COL17A1: variants seen among roughly 807,000 people sequenced by gnomAD.
COL17A1 encodes the protein collagen type XVII alpha 1 chain.
A neutral mutation model predicts 218.4 loss-of-function variants in COL17A1; 181 were observed. The ratio of observed to expected loss-of-function variants is 0.83; its 90% CI spans 0.73 to 0.94. COL17A1 has a LOEUF of 0.94. Ranked by LOEUF, COL17A1 falls within the 40% of genes least tolerant of loss-of-function variation. The pLI is 0.00. For missense variants in COL17A1, 1,924 were observed against 1,945.9 expected (o/e 0.99, Z 0.21); for synonymous variants, 721 against 731.0 (o/e 0.99, Z 0.22).
In COL17A1 at chr10:104,076,418, G is replaced by C. The variant is rs760094345; in HGVS notation, c.214C>G (p.Arg72Gly). The change falls in exon 5 of 56, where the codon CGA becomes GGA. Residue 72 changes from arginine (R) to glycine (G), a missense_variant. Arg to Gly is a moderately radical substitution (Grantham distance 125). Coordinates refer to ENST00000648076, the MANE Select transcript of COL17A1 (RefSeq NM_000494.4). ...SGYINSTGST[R>G]GHASTSSYRR... ...TAACTAGAGGTGGAGGCATGGCCTCGTGTGCTTCCAGCTGCAAGAGGGAAA... is the reference window on the plus strand; with the variant it reads ...TAACTAGAGGTGGAGGCATGGCCTCCTGTGCTTCCAGCTGCAAGAGGGAAA... The C allele has an allele frequency of 6.2e-7, 1 of 1,613,984 alleles. No homozygotes were observed. The highest frequency in any genetic ancestry group is 1.3e-5 in the African/African-American group (1 of 74,928).
chr10:104,049,372 G>T, intron 29 of COL17A1, 37 bp downstream of exon 29: 1 of 1,603,076 alleles, frequency 6.2e-7, no homozygotes, highest in South Asian at 1.1e-5. Context: ...CCCCTCAGAT[G>T]GGGAACTCAC....
At chr10:104,084,394 C>T (rs1294792997) in intron 1 of COL17A1, among the ~76,000 whole-genome samples, 1 of 151,684 alleles carries the variant, frequency 6.6e-6, no homozygotes, top group African/African-American at 2.4e-5. Flanking sequence ...ACTGCAACCT[C>T]TGCCTCCTGG....
At position 104,050,883 on chromosome 10, in the gene COL17A1, C is replaced by G; in HGVS notation, c.2057G>C (p.Gly686Ala). ...QGPPGPVGLQGLRGEVGLPGV... is the reference protein window; with the variant it reads ...QGPPGPVGLQALRGEVGLPGV... Reference sequence around the variant, plus strand: ...AGGAAGTCCTACTTCACCTCGGAGCCCTTGGAGACCTACAGGACCTGCCCG... The same window carrying G: ...AGGAAGTCCTACTTCACCTCGGAGCGCTTGGAGACCTACAGGACCTGCCCG... Residue 686 changes from glycine (G) to alanine (A), a missense_variant, in exon 26 of 56, where the codon GGG becomes GCG. Coordinates refer to ENST00000648076, the MANE Select transcript of COL17A1 (RefSeq NM_000494.4). 1 of 1,614,144 alleles carries G rather than the reference C, an allele frequency of 6.2e-7. No homozygotes were observed. Among genetic ancestry groups the G allele is most frequent in the African/African-American group, 1.3e-5 (1 of 75,028 alleles).
At chr10:104,043,909 G>C in intron 33 of COL17A1, 49 bp from the exon 34 acceptor site, 2 of 1,605,920 alleles carry the variant, frequency 1.2e-6, no homozygotes, top group Non-Finnish European at 1.7e-6. Context: ...GGATCAATTA[G>C]TGGCTCAATA....
chr10:104,081,666 T>C (rs907832303), intron 1 of COL17A1, among the ~76,000 whole-genome samples: 1 of 152,168 alleles, frequency 6.6e-6, no homozygotes, highest in Admixed American at 6.5e-5. Context: ...TTGGTTGTAG[T>C]TGGAACTGGG....
intron 46 of COL17A1, 22 bp downstream of exon 46, chr10:104,037,614 C>T: frequency 6.2e-7 from 1 of 1,613,906 alleles, no homozygotes; most frequent in Non-Finnish European, 8.5e-7. Context: ...GTGCCAGGTG[C>T]AGGGCGTGGG....
chr10:104,062,655 G>A (rs1227451315), intron 11 of COL17A1, among the ~76,000 whole-genome samples: 1 of 152,188 alleles, frequency 6.6e-6, no homozygotes, highest in African/African-American at 2.4e-5. Context: ...CCTGTTTCCT[G>A]TGACACCCTG....
At chr10:104,073,631 T>A (rs1364424352) in intron 6 of COL17A1, among the ~76,000 whole-genome samples, 5 of 152,308 alleles carry the variant, frequency 3.3e-5, no homozygotes, top group African/African-American at 1.2e-4. Context: ...GTTTCCCCAC[T>A]GTAAGCAAAT....
At chr10:104,039,769 C>T (rs2086339348) in intron 41 of COL17A1, 129 bp from the exon 42 acceptor site, 1 of 760,280 alleles carries the variant, frequency 1.3e-6, no homozygotes, top group Non-Finnish European at 1.9e-6. Context: ...AGAGATGCCA[C>T]ACACACACAC....
chr10:104,062,427 T>C (rs2086591075), intron 11 of COL17A1, 98 bp from the exon 12 acceptor site: 1 of 1,534,156 alleles, frequency 6.5e-7, no homozygotes, highest in Non-Finnish European at 9.0e-7. Flanking sequence ...TCATGATCAA[T>C]GGTTTTGCCA....
At chr10:104,081,342 T>G (rs2086763192) in intron 1 of COL17A1, among the ~76,000 whole-genome samples, 1 of 152,204 alleles carries the variant, frequency 6.6e-6, no homozygotes, top group Non-Finnish European at 1.5e-5. Flanking sequence ...TATAGAAGCA[T>G]GTAGGAAAAT....
chr10:104,070,847 C>T (rs1019802863), intron 8 of COL17A1, among the ~76,000 whole-genome samples: 8 of 152,160 alleles, frequency 5.3e-5, no homozygotes, highest in African/African-American at 1.9e-4. Flanking sequence ...CATCAAACAT[C>T]ACAGGAATGA....
rs184018872 is a variant in COL17A1, at chr10:104,071,511, G to A, written c.463+521C>T. Among the ~76,000 whole-genome samples the A allele has an allele frequency of 1.7e-4, 26 of 152,236 alleles. No individual in the cohort carries two copies. In the East Asian group the frequency reaches 3.5e-3, roughly 20 times the overall value. ...TAACATATTCCATCGACAGAGACTG[G>A]GGGGTCTCTGACATTTGAAATAAAG... On this transcript the variant is annotated intron_variant, in intron 8 of 55. Coordinates refer to ENST00000648076, the MANE Select transcript of COL17A1 (RefSeq NM_000494.4).
intron 15 of COL17A1, 172 bp downstream of exon 15, chr10:104,059,466 G>C: frequency 3.0e-6 from 2 of 672,676 alleles, no homozygotes; most frequent in Admixed American, 4.4e-5. Context: ...TGCAGCTTCT[G>C]ACTCAGCAGA....
chr10:104,035,911 AGT>A (rs60551539), intron 48 of COL17A1, among the ~76,000 whole-genome samples: 74 of 135,254 alleles, frequency 5.5e-4, no homozygotes, highest in East Asian at 2.2e-3. Context: ...TGTGTATGGG[AGT>A]GTGTATGAGT....
chr10:104,041,366 AG>A, intron 37 of COL17A1, 22 bp from the exon 38 acceptor site: 1 of 1,609,326 alleles, frequency 6.2e-7, no homozygotes, highest in South Asian at 1.1e-5. Context: ...AGCAAGGAAG[AG>A]GCCATGCTGA....
In COL17A1 at chr10:104,050,602, G is replaced by A. The variant is rs767353103; in HGVS notation, c.2128+19C>T. ...TGAGGCAGGCCCTGGTAATGACAGA[G>A]CAGCAGTGAGTGGCATACCTTTGGG... is the stretch of plus-strand genomic sequence containing the variant. On this transcript the variant is annotated intron_variant, in intron 27 of 55. Coordinates refer to ENST00000648076, the MANE Select transcript of COL17A1 (RefSeq NM_000494.4). The A allele has an allele frequency of 1.9e-6, 3 of 1,612,836 alleles. No individual in the cohort carries two copies. Among genetic ancestry groups the A allele is most frequent in the Admixed American group, 1.7e-5 (1 of 60,020 alleles).
chr10:104,057,804 G>C (rs1033607827), intron 16 of COL17A1, among the ~76,000 whole-genome samples: 2 of 152,142 alleles, frequency 1.3e-5, no homozygotes, highest in African/African-American at 4.8e-5. Flanking sequence ...GGCTGGAGGC[G>C]TGCATGGCTT....
Position 104,040,361 on chromosome 10 carries a change from C to CTTGG in COL17A1, c.2747_2750dup (p.Lys917AsnfsTer49). 1 of 1,609,822 alleles carries CTTGG rather than the reference C, an allele frequency of 6.2e-7. No individual in the cohort carries two copies. The highest frequency in any genetic ancestry group is 8.5e-7 in the Non-Finnish European group (1 of 1,176,186). The stretch of plus-strand genomic sequence containing the variant: ...ATACACTGTTCTCACCTTGGTCTCC[C>CTTGG]TTGGGACCTGGGGGGCCAGGTGGGC... On this transcript the variant is annotated frameshift_variant, in exon 40 of 56. Transcript: ENST00000648076. LOFTEE classifies it high-confidence loss of function.
Sources: gnomAD v4.1 joint callset for allele counts (sites outside exome capture counted in the v4.1 genomes callset) on GRCh38, gnomAD v4.1.1 for gene constraint, MANE v1.5 for transcripts, NCBI Gene and HGNC (gene_info 2026-07-23, HGNC 2026-07-21) for gene names.